Variants in UCHL5 observed in about 807,000 individuals in gnomAD.
The protein encoded by UCHL5 is ubiquitin C-terminal hydrolase L5, also known as ubiquitin carboxyl-terminal hydrolase isozyme L5.
UCHL5 carries 34 observed loss-of-function variants against 53.8 expected under a neutral mutation model. That is an observed-to-expected ratio of 0.63 (90% CI 0.48 to 0.84). UCHL5 has a LOEUF of 0.84. Ranked by LOEUF, UCHL5 falls within the 40% of genes least tolerant of loss-of-function variation. The pLI, the probability that UCHL5 is intolerant of heterozygous loss-of-function variation, is 0.00. For missense variants in UCHL5, 290 were observed against 385.6 expected (o/e 0.75, Z 2.08); for synonymous variants, 111 against 126.3 (o/e 0.88, Z 0.81).
At chr1:193,047,482 A>C (rs1667716740) in intron 3 of UCHL5, among the ~76,000 whole-genome samples, 1 of 152,322 alleles carries the variant, frequency 6.6e-6, no homozygotes, top group South Asian at 2.1e-4. Flanking sequence ...ACTCAATTCA[A>C]AAAAGTCAGA....
At chr1:193,020,651 G>C (rs1472634381) in intron 10 of UCHL5, among the ~76,000 whole-genome samples, 1 of 151,644 alleles carries the variant, frequency 6.6e-6, no homozygotes, top group African/African-American at 2.4e-5. Flanking sequence ...TCCCTCAGTG[G>C]AATGGATACT....
chr1:193,029,618 C>T lies in UCHL5; in HGVS notation c.286G>A (p.Val96Met), dbSNP rs1660629457. 6.2e-7 allele frequency: 1 copy of T among 1,612,870 alleles called. No individual in the cohort carries two copies. The highest frequency in any genetic ancestry group is 8.5e-7 in the Non-Finnish European group (1 of 1,179,348). The change falls in exon 4 of 11, where the codon GTG becomes ATG. Residue 96 changes from valine (V) to methionine (M), a missense_variant. Coordinates refer to ENST00000367454, the MANE Select transcript of UCHL5 (RefSeq NM_001199261.3). ...TCCTGGTGGGTACAGTTCAGTAACA[C>T]ACTCACTATGGCTTGAGTAGCACAA... is the stretch of plus-strand genomic sequence containing the variant. The part of the protein sequence containing the change: ...NACATQAIVS[V>M]LLNCTHQDVH...
At chr1:193,040,813 TA>T (rs976637694) in intron 3 of UCHL5, among the ~76,000 whole-genome samples, 8 of 152,146 alleles carry the variant, frequency 5.3e-5, no homozygotes, top group African/African-American at 1.9e-4. Context: ...TATTCAGCCA[TA>T]AAAAAGAATG....
rs1178049411 is a variant in UCHL5 at position 193,029,410 on chromosome 1, G to C, written c.412C>G (p.Gln138Glu). Reference protein sequence around the residue: ...LALSNSDVIRQVHNSFARQQM... With the variant: ...LALSNSDVIREVHNSFARQQM... ...TACCTGGCGAAACTGTTGTGTACTT[G>C]TCGAATCACATCTGAATTGCTCAGT... Residue 138 changes from glutamine to glutamate, a missense_variant, in exon 5 of 11, where the codon CAA becomes GAA. Transcript: ENST00000367454. 1.2e-6 allele frequency: 2 copies of C among 1,613,736 alleles called. No homozygotes were observed. The highest frequency in any genetic ancestry group is 2.2e-5 in the East Asian group (1 of 44,850).
intron 3 of UCHL5, among the ~76,000 whole-genome samples, chr1:193,029,932 G>C (rs1282517832): frequency 1.3e-5 from 2 of 152,112 alleles, no homozygotes; most frequent in Non-Finnish European, 2.9e-5. Flanking sequence ...CAATCATCCT[G>C]ATGGAAAACA....
intron 3 of UCHL5, 75 bp downstream of exon 3, chr1:193,049,671 A>G: frequency 2.5e-6 from 3 of 1,192,850 alleles, no homozygotes; most frequent in Non-Finnish European, 3.5e-6. Context: ...CACTAGTAGC[A>G]AACAGTAGTA....
At chr1:193,050,859 C>G (rs1024873135) in intron 2 of UCHL5, among the ~76,000 whole-genome samples, 1 of 152,086 alleles carries the variant, frequency 6.6e-6, no homozygotes, top group Non-Finnish European at 1.5e-5. Context: ...TGGGCTCAAG[C>G]GATCTTCTCG....
chr1:193,056,043 T>C (rs1043388715), intron 1 of UCHL5, among the ~76,000 whole-genome samples: 2 of 152,240 alleles, frequency 1.3e-5, no homozygotes, highest in Non-Finnish European at 2.9e-5. Context: ...AATTTTAAAC[T>C]ACAATTTCCA....
intron 3 of UCHL5, among the ~76,000 whole-genome samples, chr1:193,048,543 G>A (rs1668042920): frequency 6.6e-6 from 1 of 152,184 alleles, no homozygotes; most frequent in African/African-American, 2.4e-5. Flanking sequence ...ACTAACCTTT[G>A]AGAAAGCAAT....
chr1:193,045,840 T>C (rs1490443326), intron 3 of UCHL5, among the ~76,000 whole-genome samples: 1 of 152,184 alleles, frequency 6.6e-6, no homozygotes, highest in Non-Finnish European at 1.5e-5. Flanking sequence ...TATATGCTTA[T>C]ATACATTGAA....
At chr1:193,049,465 A>G in intron 3 of UCHL5, 1 of 225,938 alleles carries the variant, frequency 4.4e-6, no homozygotes, top group South Asian at 1.4e-4. Context: ...TCGGCCTCCC[A>G]AAGTGCTGGG....
intron 3 of UCHL5, among the ~76,000 whole-genome samples, chr1:193,031,033 T>C (rs1571619752): frequency 6.6e-6 from 1 of 152,196 alleles, no homozygotes; most frequent in African/African-American, 2.4e-5. Context: ...AAAGTAGTGA[T>C]AGATCCAGAA....
intron 3 of UCHL5, among the ~76,000 whole-genome samples, chr1:193,041,753 C>A (rs565014574): frequency 6.6e-6 from 1 of 152,094 alleles, no homozygotes; most frequent in African/African-American, 2.4e-5. Flanking sequence ...GTTAGTGCAG[C>A]TGGTATCATA....
At position 193,023,843 on chromosome 1, in the gene UCHL5, C is replaced by A; in HGVS notation, c.732+1G>T. On this transcript the variant is annotated splice_donor_variant, in intron 8 of 10. Coordinates refer to ENST00000367454, the MANE Select transcript of UCHL5 (RefSeq NM_001199261.3). LOFTEE classifies it high-confidence loss of function. ...TTGTACTTAGAAACATGGCCACGAA[C>A]CTCTGCAAGTTGTCTTTGTAACTCT... The A allele has an allele frequency of 6.2e-7, 1 of 1,609,750 alleles. No homozygotes were observed. Among genetic ancestry groups the A allele is most frequent in the Non-Finnish European group, 8.5e-7 (1 of 1,177,760 alleles).
chr1:193,045,386 T>C (rs1413524060), intron 3 of UCHL5, among the ~76,000 whole-genome samples: 1 of 152,226 alleles, frequency 6.6e-6, no homozygotes, highest in Non-Finnish European at 1.5e-5. Flanking sequence ...TGGGGGTGGA[T>C]CCCTTATGAA....
intron 3 of UCHL5, among the ~76,000 whole-genome samples, chr1:193,034,241 A>G (rs1052613727): frequency 3.9e-5 from 6 of 152,108 alleles, no homozygotes; most frequent in African/African-American, 1.4e-4. Context: ...TCACACAAAC[A>G]TGCAAGTGAG....
At chr1:193,039,537 TG>T (rs1486306214) in intron 3 of UCHL5, among the ~76,000 whole-genome samples, 5 of 152,192 alleles carry the variant, frequency 3.3e-5, no homozygotes, top group Non-Finnish European at 7.4e-5. Flanking sequence ...CCTCATGAAC[TG>T]GAAGAATTAA....
At chr1:193,023,810 C>T in intron 8 of UCHL5, 34 bp downstream of exon 8, 1 of 1,504,850 alleles carries the variant, frequency 6.6e-7, no homozygotes, top group South Asian at 1.1e-5. Flanking sequence ...AATAACCAAG[C>T]TAGAACTTTG....
At chr1:193,026,838 G>C (rs981755501) in intron 7 of UCHL5, among the ~76,000 whole-genome samples, 2 of 152,036 alleles carry the variant, frequency 1.3e-5, no homozygotes, top group Non-Finnish European at 2.9e-5. Flanking sequence ...CCAAAAAATA[G>C]AAAACAATCC....
Sources: allele counts gnomAD v4.1 joint callset (sites outside exome capture counted in the v4.1 genomes callset), GRCh38; gene constraint gnomAD v4.1.1; transcripts MANE v1.5; gene names NCBI Gene and HGNC (gene_info 2026-07-23, HGNC 2026-07-21).